The following BUB3 variants were observed in gnomAD, a reference collection of about 807,000 sequenced individuals.
BUB3 encodes the protein BUB3 mitotic checkpoint protein, also known as mitotic checkpoint protein BUB3.
In BUB3, 22 loss-of-function variants were observed where a neutral mutation model predicts 39.9. The observed-to-expected ratio is 0.55, with a 90% CI of 0.39 to 0.79. The LOEUF (loss-of-function observed/expected upper bound fraction) is 0.79. Among genes scored for constraint, BUB3 ranks in the 30% least tolerant of loss-of-function variants. The probability of loss-of-function intolerance (pLI) is 0.00; values close to 1 mark genes in which losing one functional copy is unlikely to be tolerated. For synonymous variants in BUB3, 168 were observed against 155.1 expected, an observed-to-expected ratio of 1.08 and a Z score of -0.62; for missense variants, 303 against 415.4, an observed-to-expected ratio of 0.73 and a Z score of 2.35.
rs1426849841 is a variant in BUB3, at chr10:123,167,146, A to G, written c.*3311A>G. On this transcript the variant is annotated 3_prime_UTR_variant, in exon 8 of 8. Coordinates refer to ENST00000368865, the MANE Select transcript of BUB3 (RefSeq NM_004725.4). ...TTTTTCTGGTCTTGTTCCCACAATC[A>G]TTTTACCTTTTACCACTCCCCCAGA... 1 of 152,070 alleles carries G rather than the reference A, an allele frequency of 6.6e-6. No individual in the cohort carries two copies. Among genetic ancestry groups the G allele is most frequent in the Non-Finnish European group, 1.5e-5 (1 of 68,016 alleles). The allele number at this position is 152,070 out of a possible 1,614,324, so 9.4% of individuals were successfully genotyped here. A position where few individuals can be genotyped will look rare whatever the true frequency, so the allele number is the denominator to read the frequency against.
At chr10:123,154,887 C>T (rs1427578778) in intron 1 of BUB3, 31 bp from the exon 2 acceptor site, 4 of 1,587,690 alleles carry the variant, frequency 2.5e-6, no homozygotes, top group South Asian at 2.3e-5. Flanking sequence ...GCCCGCGGGA[C>T]CCCTGGGGAC....
chr10:123,160,321 TATG>T, intron 4 of BUB3, 83 bp from the exon 5 acceptor site: 3 of 1,277,172 alleles, frequency 2.3e-6, no homozygotes, highest in South Asian at 1.8e-5. Flanking sequence ...TTTATGGTCT[TATG>T]ATCAGATGGA....
Position 123,168,753 on chromosome 10 carries a change from A to G in BUB3, c.*4918A>G, listed in dbSNP as rs1317887848. The G allele has an allele frequency of 6.6e-6, 1 of 151,826 alleles. No homozygotes were observed. The highest frequency in any genetic ancestry group is 1.5e-5 in the Non-Finnish European group (1 of 68,006). The allele number at this position is 151,826 out of a possible 1,614,324, so 9.4% of individuals were successfully genotyped here. A position where few individuals can be genotyped will look rare whatever the true frequency, so the allele number is the denominator to read the frequency against. On this transcript the variant is annotated 3_prime_UTR_variant, in exon 8 of 8. Transcript: ENST00000368865. ...CTTTTAGTAGAGACCGGGTTTCATC[A>G]TGTTGGCCAGGTTGGTCTTGAACTC...
chr10:123,162,537 A>AT, intron 6 of BUB3, 75 bp from the exon 7 acceptor site: 2 of 1,558,862 alleles, frequency 1.3e-6, no homozygotes, highest in Non-Finnish European at 1.7e-6. Flanking sequence ...GACCTTAAAA[A>AT]TTAACTGTTA....
chr10:123,161,964 T>G lies in BUB3; in HGVS notation c.577-272T>G, dbSNP rs34656738. On this transcript the variant is annotated intron_variant, in intron 5 of 7. Transcript: ENST00000368865. ...AACAAATAAGCGACACTAAAACACT[T>G]TAAATTTTTGTTTAGGTTTGATGCA... Among the ~76,000 whole-genome samples, 430 of 152,344 alleles carry G rather than the reference T, an allele frequency of 2.8e-3. 3 individuals carry two copies. Among genetic ancestry groups the G allele is most frequent in the African/African-American group, 9.9e-3 (413 of 41,576 alleles).
At position 123,165,019 on chromosome 10, in the gene BUB3, C is replaced by T. The variant is rs202101285; in HGVS notation, c.*1184C>T. ...AAACTTGGTGTAAGTCTGAACCCAT[C>T]TTTTGAAATGTATTTTCTTCATTGC... On this transcript the variant is annotated 3_prime_UTR_variant, in exon 8 of 8. Coordinates refer to ENST00000368865, the MANE Select transcript of BUB3 (RefSeq NM_004725.4). 1 of 1,610,908 alleles carries T rather than the reference C, an allele frequency of 6.2e-7. No homozygotes were observed. The highest frequency in any genetic ancestry group is 8.5e-7 in the Non-Finnish European group (1 of 1,178,764).
At chr10:123,159,049 T>C (rs993654526) in intron 4 of BUB3, among the ~76,000 whole-genome samples, 57 of 152,208 alleles carry the variant, frequency 3.7e-4, no homozygotes, top group Middle Eastern at 3.2e-3. Context: ...ATTTTTAAAG[T>C]TTGGTACTTT....
intron 7 of BUB3, 45 bp downstream of exon 7, chr10:123,162,873 C>A: frequency 6.5e-7 from 1 of 1,547,198 alleles, no homozygotes; most frequent in South Asian, 1.1e-5. Context: ...TGCATTCAAC[C>A]CAGGATTTAT....
intron 2 of BUB3, 88 bp downstream of exon 2, chr10:123,155,200 G>T: frequency 1.4e-6 from 2 of 1,407,362 alleles, no homozygotes; most frequent in Non-Finnish European, 1.9e-6. Flanking sequence ...GTTGGGTAGA[G>T]GCGTCTGTCG....
chr10:123,159,035 CTTTATT>C (rs1457693281), intron 4 of BUB3, among the ~76,000 whole-genome samples: 1 of 152,020 alleles, frequency 6.6e-6, no homozygotes. Context: ...TTTCTGGATT[CTTTATT>C]TTTAAAGTTT....
intron 5 of BUB3, among the ~76,000 whole-genome samples, chr10:123,161,490 A>G (rs1412006768): frequency 1.3e-5 from 2 of 152,186 alleles, no homozygotes; most frequent in African/African-American, 4.8e-5. Context: ...TTTTAATGCC[A>G]TTATATCTAA....
chr10:123,165,003 G>GAC lies in BUB3; in HGVS notation c.*1168_*1169insAC, dbSNP rs766350866. 7 of 1,595,482 alleles carry GAC rather than the reference G, an allele frequency of 4.4e-6. No homozygotes were observed. The highest frequency in any genetic ancestry group is 6.0e-6 in the Non-Finnish European group (7 of 1,172,342). ...TTAAGTATTTCAGTGAAAACTTGGT[G>GAC]TAAGTCTGAACCCATCTTTTGAAAT... On this transcript the variant is annotated 3_prime_UTR_variant, in exon 8 of 8. Transcript: ENST00000368865.
intron 2 of BUB3, among the ~76,000 whole-genome samples, 155 bp downstream of exon 2, chr10:123,155,267 C>T (rs1251733588): frequency 6.6e-6 from 1 of 152,190 alleles, no homozygotes; most frequent in East Asian, 1.9e-4. Context: ...TGAACCTGTA[C>T]CGTTTTGGGT....
intron 6 of BUB3, 58 bp downstream of exon 6, chr10:123,162,471 T>C (rs1156245724): frequency 1.3e-6 from 2 of 1,584,230 alleles, no homozygotes; most frequent in Non-Finnish European, 1.7e-6. Flanking sequence ...GCTTGCTTTT[T>C]ATGGTATTTA....
intron 3 of BUB3, among the ~76,000 whole-genome samples, chr10:123,156,831 C>T (rs1268460884): frequency 6.7e-6 from 1 of 149,528 alleles, no homozygotes; most frequent in African/African-American, 2.5e-5. Context: ...ACCACAGCCT[C>T]CGCCACCCGC....
intron 3 of BUB3, among the ~76,000 whole-genome samples, chr10:123,156,610 G>T (rs974078078): frequency 6.6e-6 from 1 of 152,146 alleles, no homozygotes; most frequent in Non-Finnish European, 1.5e-5. Flanking sequence ...GTAAGTCTAG[G>T]TTCTATTTGT....
chr10:123,160,497 G>A lies in BUB3; in HGVS notation c.508G>A (p.Val170Met). The A allele has an allele frequency of 1.2e-6, 2 of 1,613,290 alleles. No individual in the cohort carries two copies. The highest frequency in any genetic ancestry group is 1.7e-6 in the Non-Finnish European group (2 of 1,179,874). The change falls in exon 5 of 8, where the codon GTG becomes ATG. Residue 170 changes from valine to methionine, a missense_variant. Transcript: ENST00000368865. The part of the protein sequence containing the change: ...LVWDLRNMGY[V>M]QQRRESSLKY... ...GTGGGACTTACGGAACATGGGTTAC[G>A]TGCAGCAGCGCAGGGAGTCCAGCCT...
In BUB3 at chr10:123,164,847, G is replaced by A. The variant is rs1414488363; in HGVS notation, c.*1012G>A. 3.2e-5 allele frequency: 43 copies of A among 1,353,386 alleles called. No individual in the cohort carries two copies. Among genetic ancestry groups the A allele is most frequent in the Non-Finnish European group, 3.9e-5 (41 of 1,055,062 alleles). 83.8% of individuals were successfully genotyped at this position (1,353,386 alleles called of 1,614,324 possible). On this transcript the variant is annotated 3_prime_UTR_variant, in exon 8 of 8. Coordinates refer to ENST00000368865, the MANE Select transcript of BUB3 (RefSeq NM_004725.4). Reference sequence around the variant, plus strand: ...GGTAGTTCCAAATAGTATTTTTGTTGTCAAACTTTAAAATTTATATTAATT... The same window carrying A: ...GGTAGTTCCAAATAGTATTTTTGTTATCAAACTTTAAAATTTATATTAATT...
rs191857211 is a variant in BUB3 at position 123,155,847 on chromosome 10, C to A, written c.265+120C>A. ...TACTAAGTTGCTTAAGTACAGGTGG[C>A]TTGAATTTAGGATTTTTTTAATTTA... On this transcript the variant is annotated intron_variant, in intron 3 of 7. Coordinates refer to ENST00000368865, the MANE Select transcript of BUB3 (RefSeq NM_004725.4). 1,102 of 841,468 alleles carry A rather than the reference C, an allele frequency of 1.3e-3. 1 individual carries two copies. Among genetic ancestry groups the A allele is most frequent in the Non-Finnish European group, 1.8e-3 (949 of 523,430 alleles). The allele number at this position is 841,468 out of a possible 1,614,324, so 52.1% of individuals were successfully genotyped here.
Sources: gnomAD v4.1 joint callset for allele counts (sites outside exome capture counted in the v4.1 genomes callset) on GRCh38, gnomAD v4.1.1 for gene constraint, MANE v1.5 for transcripts, NCBI Gene and HGNC (gene_info 2026-07-23, HGNC 2026-07-21) for gene names.